The following DOP1B variants were observed in gnomAD, a reference collection of about 807,000 sequenced individuals.
DOP1B encodes DOP1 leucine zipper like protein B, also known as protein DOP1B.
A neutral mutation model predicts 233.5 loss-of-function variants in DOP1B; 174 were observed. The ratio of observed to expected loss-of-function variants is 0.75; its 90% CI spans 0.66 to 0.85. The LOEUF (loss-of-function observed/expected upper bound fraction) is 0.85, where lower values mean the gene tolerates loss of function less well. DOP1B is among the 40% of genes least tolerant of loss of function. The pLI is 0.00. For synonymous variants in DOP1B, 1,190 were observed against 1,185.6 expected (o/e 1.00, Z -0.08); for missense variants, 2,652 against 2,846.6 (o/e 0.93, Z 1.56).
intron 15 of DOP1B, among the ~76,000 whole-genome samples, chr21:36,235,106 G>A (rs968301693): frequency 3.3e-5 from 5 of 152,180 alleles, no homozygotes; most frequent in Non-Finnish European, 7.3e-5. Flanking sequence ...TTTATGTACT[G>A]TACAGTTCTT....
chr21:36,196,111 C>T (rs2066287454), intron 2 of DOP1B, among the ~76,000 whole-genome samples: 1 of 152,218 alleles, frequency 6.6e-6, no homozygotes, highest in African/African-American at 2.4e-5. Context: ...CAGATGCTCC[C>T]CATGGGAAGT....
In DOP1B at chr21:36,292,107, T is replaced by C. The variant is rs759256814; in HGVS notation, c.6519T>C (p.Tyr2173=). ...PPDKMPLFQI[Y]RWAFIPEVDT... ...ACCTTCTGTTTGTTCCCTGCAGTTATAGGTGGGCATTTATTCCAGAAGTGG... is the reference window on the plus strand; with the variant it reads ...ACCTTCTGTTTGTTCCCTGCAGTTACAGGTGGGCATTTATTCCAGAAGTGG... The change falls in exon 36 of 37, where the codon TAT becomes TAC. Residue 2173 remains tyrosine (Y), a synonymous_variant. Transcript: ENST00000691173. 3.1e-6 allele frequency: 5 copies of C among 1,599,092 alleles called. No individual in the cohort carries two copies. Among genetic ancestry groups the C allele is most frequent in the Non-Finnish European group, 4.3e-6 (5 of 1,175,996 alleles).
At chr21:36,174,335 A>C (rs1568999767) in intron 2 of DOP1B, among the ~76,000 whole-genome samples, 1 of 152,138 alleles carries the variant, frequency 6.6e-6, no homozygotes, top group Non-Finnish European at 1.5e-5. Context: ...TAAAAATGCA[A>C]AAATTAGCCG....
chr21:36,160,212 C>T (rs921563212), intron 1 of DOP1B, among the ~76,000 whole-genome samples: 2 of 152,096 alleles, frequency 1.3e-5, no homozygotes, highest in Admixed American at 1.3e-4. Flanking sequence ...AACAAACTAC[C>T]AGCTCTCATT....
At chr21:36,237,486 A>C (rs1318218525) in intron 16 of DOP1B, 72 bp downstream of exon 16, 2 of 1,577,494 alleles carry the variant, frequency 1.3e-6, no homozygotes, top group Non-Finnish European at 1.7e-6. Flanking sequence ...TAGCCAACTG[A>C]CATCCATTCG....
intron 2 of DOP1B, among the ~76,000 whole-genome samples, chr21:36,186,673 C>T (rs143155508): frequency 6.8e-4 from 103 of 152,244 alleles, no homozygotes; most frequent in African/African-American, 2.3e-3. Context: ...CCCCCACCCC[C>T]GGAGTGTGGG....
At chr21:36,165,461 A>G (rs2065900938) in intron 2 of DOP1B, among the ~76,000 whole-genome samples, 1 of 152,048 alleles carries the variant, frequency 6.6e-6, no homozygotes, top group Non-Finnish European at 1.5e-5. Context: ...GATCTAGGAA[A>G]ACCAAAACTG....
At chr21:36,241,953 T>A (rs76156442) in intron 18 of DOP1B, among the ~76,000 whole-genome samples, 5,100 of 151,722 alleles carry the variant, frequency 0.034, 281 homozygotes, top group African/African-American at 0.12. Context: ...ACCTCTGGTT[T>A]TCCTTTAGGG....
chr21:36,280,840 A>G (rs1184532927), intron 31 of DOP1B, among the ~76,000 whole-genome samples: 4 of 152,008 alleles, frequency 2.6e-5, no homozygotes, highest in Non-Finnish European at 5.9e-5. Flanking sequence ...CGTCTCTACT[A>G]AAAATACAAA....
At chr21:36,242,412 T>G (rs781214543) in intron 18 of DOP1B, among the ~76,000 whole-genome samples, 30 of 152,116 alleles carry the variant, frequency 2.0e-4, no homozygotes, top group Non-Finnish European at 4.3e-4. Flanking sequence ...TGACCTCAAG[T>G]GATCCATGCG....
intron 2 of DOP1B, among the ~76,000 whole-genome samples, chr21:36,184,603 T>C (rs1325929155): frequency 1.3e-5 from 2 of 152,156 alleles, no homozygotes; most frequent in Non-Finnish European, 2.9e-5. Context: ...GAAAAAGCAC[T>C]AGGAGGAAGA....
chr21:36,219,267 T>G, intron 9 of DOP1B, 105 bp from the exon 10 acceptor site: 1 of 1,401,226 alleles, frequency 7.1e-7, no homozygotes, highest in Non-Finnish European at 9.7e-7. Flanking sequence ...AAAATGTCTG[T>G]CTGCACAGGT....
At chr21:36,199,551 A>C (rs1279597272) in intron 3 of DOP1B, among the ~76,000 whole-genome samples, 1 of 151,978 alleles carries the variant, frequency 6.6e-6, no homozygotes, top group East Asian at 1.9e-4. Flanking sequence ...CTCGTCATTT[A>C]CATTAGGTGT....
At chr21:36,186,965 G>A (rs572524285) in intron 2 of DOP1B, among the ~76,000 whole-genome samples, 10 of 152,152 alleles carry the variant, frequency 6.6e-5, no homozygotes, top group South Asian at 2.1e-4. Flanking sequence ...TTCGGGGCCC[G>A]TCTTAGGAGC....
At position 36,225,551 on chromosome 21, in the gene DOP1B, G is replaced by T. The variant is rs756265773; in HGVS notation, c.1371-14G>T. The T allele has an allele frequency of 3.7e-6, 6 of 1,613,864 alleles. No homozygotes were observed. In the Admixed American group the frequency reaches 5.0e-5, roughly 13 times the overall value. On this transcript the variant is annotated splice_polypyrimidine_tract_variant and intron_variant, in intron 11 of 36. Transcript: ENST00000691173. ...TGGCCAAAGAATGGATTTTTTCTTT[G>T]CTGTGATTTATAGACCAGTGAAGCA...
chr21:36,179,285 A>G (rs1025992406), intron 2 of DOP1B, among the ~76,000 whole-genome samples: 4 of 152,172 alleles, frequency 2.6e-5, no homozygotes, highest in Admixed American at 6.5e-5. Flanking sequence ...TGTTTGCCAA[A>G]GTGGTTGTAT....
At position 36,164,868 on chromosome 21, in the gene DOP1B, C is replaced by G; in HGVS notation, c.135C>G (p.Asn45Lys). Residue 45 changes from asparagine to lysine, a missense_variant, in exon 2 of 37, where the codon AAC becomes AAG. By Grantham distance (94) the Asn-to-Lys change is moderately conservative. This residue lies in a region of DOP1B where 2,617 missense variants were observed against 2,794.3 expected (regional missense o/e 0.94). Transcript: ENST00000691173. ...ADLISSLGKL[N>K]KALQSNLRYS... ...TCATATCTTCACTTGGCAAACTCAACAAGGTATGTAGGGTGTATCCTATTT... is the reference window on the plus strand; with the variant it reads ...TCATATCTTCACTTGGCAAACTCAAGAAGGTATGTAGGGTGTATCCTATTT... The G allele has an allele frequency of 1.2e-6, 2 of 1,610,004 alleles. No individual in the cohort carries two copies. Among genetic ancestry groups the G allele is most frequent in the Non-Finnish European group, 1.7e-6 (2 of 1,178,326 alleles).
intron 23 of DOP1B, among the ~76,000 whole-genome samples, chr21:36,256,665 A>G (rs1381898150): frequency 6.6e-6 from 1 of 152,182 alleles, no homozygotes; most frequent in Admixed American, 6.5e-5. Flanking sequence ...CACGTGCTAC[A>G]CAACATGGAT....
At chr21:36,259,666 G>A (rs2067147212) in intron 23 of DOP1B, among the ~76,000 whole-genome samples, 1 of 152,164 alleles carries the variant, frequency 6.6e-6, no homozygotes, top group Non-Finnish European at 1.5e-5. Flanking sequence ...AGAACCAAGG[G>A]GTTCTTCGAG....
Sources: allele counts gnomAD v4.1 joint callset (sites outside exome capture counted in the v4.1 genomes callset), GRCh38; gene constraint gnomAD v4.1.1; regional missense constraint gnomAD v4.1.1; transcripts MANE v1.5; gene names NCBI Gene and HGNC (gene_info 2026-07-23, HGNC 2026-07-21).